The following NADSYN1 variants were observed in gnomAD, a reference collection of about 807,000 sequenced individuals.
NADSYN1 encodes the protein NAD synthetase 1.
Under a neutral mutation model 99.3 loss-of-function variants are expected in NADSYN1, and 80 were observed. The observed-to-expected ratio is 0.81, with a 90% CI of 0.67 to 0.97. The LOEUF is 0.97. NADSYN1 is among the 50% of genes least tolerant of loss of function. The pLI, the probability that NADSYN1 is intolerant of heterozygous loss-of-function variation, is 0.00. For synonymous variants in NADSYN1, 385 were observed against 372.1 expected (o/e 1.03, Z -0.40); for missense variants, 859 against 948.5 (o/e 0.91, Z 1.24).
In NADSYN1 at chr11:71,473,562, C is replaced by T; in HGVS notation, c.549-7C>T. On this transcript the variant is annotated splice_region_variant and splice_polypyrimidine_tract_variant and intron_variant, in intron 7 of 20. Coordinates refer to ENST00000319023, the MANE Select transcript of NADSYN1 (RefSeq NM_018161.5). ...GGCCTGTTCTCTTCACCTGCCTCTG[C>T]CTGCAGCCCGCACATCGACATGGGC... 1 of 1,607,150 alleles carries T rather than the reference C, an allele frequency of 6.2e-7. No individual in the cohort carries two copies. Among genetic ancestry groups the T allele is most frequent in the Non-Finnish European group, 8.5e-7 (1 of 1,175,566 alleles).
At chr11:71,459,827 G>A (rs1949539446) in intron 3 of NADSYN1, 1 of 152,320 alleles carries the variant, frequency 6.6e-6, no homozygotes, top group South Asian at 2.1e-4. Context: ...GAATTTTAGT[G>A]CCCTGTTCAC....
intron 3 of NADSYN1, chr11:71,460,775 T>C (rs1238103926): frequency 6.6e-6 from 1 of 152,236 alleles, no homozygotes; most frequent in Non-Finnish European, 1.5e-5. Context: ...TATCATAATG[T>C]CATTGATAAC....
chr11:71,459,231 G>GC (rs1949533341), intron 3 of NADSYN1, among the ~76,000 whole-genome samples: 1 of 146,640 alleles, frequency 6.8e-6, no homozygotes, highest in African/African-American at 2.5e-5. Flanking sequence ...CTGCATAGCC[G>GC]CCCCTATGGA....
intron 9 of NADSYN1, chr11:71,474,815 T>G: frequency 7.5e-6 from 3 of 402,366 alleles, no homozygotes; most frequent in Non-Finnish European, 4.7e-6. Flanking sequence ...GCCTCAAATT[T>G]ACCTGGTTGG....
intron 20 of NADSYN1, among the ~76,000 whole-genome samples, chr11:71,500,608 G>A (rs4944076): frequency 0.78 from 119,330 of 152,078 alleles, 48,157 homozygotes; most frequent in Non-Finnish European, 0.9. Context: ...ACTAGAAGAC[G>A]TTTGGGGCTG....
At chr11:71,472,879 C>A (rs1029120539) in intron 6 of NADSYN1, among the ~76,000 whole-genome samples, 1 of 152,242 alleles carries the variant, frequency 6.6e-6, no homozygotes. Context: ...AGGGAAGGCA[C>A]CCTGGTGTCC....
At chr11:71,471,343 C>T (rs1009610892) in intron 5 of NADSYN1, among the ~76,000 whole-genome samples, 3 of 152,218 alleles carry the variant, frequency 2.0e-5, no homozygotes, top group African/African-American at 7.2e-5. Context: ...TCAGCATGCC[C>T]CTGCTTTAGT....
intron 14 of NADSYN1, among the ~76,000 whole-genome samples, chr11:71,483,862 G>A (rs1949725165): frequency 6.6e-6 from 1 of 152,248 alleles, no homozygotes; most frequent in Admixed American, 6.5e-5. Context: ...CACCCACGAA[G>A]AGGAGTGGAG....
intron 20 of NADSYN1, among the ~76,000 whole-genome samples, chr11:71,501,018 G>A (rs1949853944): frequency 6.6e-6 from 1 of 152,132 alleles, no homozygotes; most frequent in South Asian, 2.1e-4. Flanking sequence ...GATCAGGAAG[G>A]GGGTTCAGAC....
intron 6 of NADSYN1, 62 bp downstream of exon 6, chr11:71,472,562 G>A: frequency 6.8e-7 from 1 of 1,462,424 alleles, no homozygotes; most frequent in Non-Finnish European, 9.6e-7. Context: ...GCCAACAGTG[G>A]ACCAGGTGGG....
chr11:71,456,573 G>A, intron 2 of NADSYN1, among the ~76,000 whole-genome samples: 1 of 152,192 alleles, frequency 6.6e-6, no homozygotes, highest in Non-Finnish European at 1.5e-5. Context: ...CTGGCCTGAT[G>A]TTGCCCAGAT....
chr11:71,472,425 G>C (rs1318454521), intron 5 of NADSYN1, 24 bp from the exon 6 acceptor site: 2 of 1,586,114 alleles, frequency 1.3e-6, no homozygotes, highest in East Asian at 4.5e-5. Context: ...CTCATCCTCA[G>C]CTCCTCGGTG....
At chr11:71,476,917 G>A (rs777381819) in intron 9 of NADSYN1, 11 of 988,138 alleles carry the variant, frequency 1.1e-5, no homozygotes, top group South Asian at 9.3e-5. Flanking sequence ...TGCCTTACAC[G>A]TCTCTAGAGT....
chr11:71,494,463 T>C (rs1338377900), intron 18 of NADSYN1, among the ~76,000 whole-genome samples: 2 of 152,040 alleles, frequency 1.3e-5, no homozygotes, highest in East Asian at 1.9e-4. Context: ...CGCAGTGGCC[T>C]GTCTATGTGT....
chr11:71,472,222 C>T (rs1029643494), intron 5 of NADSYN1, among the ~76,000 whole-genome samples: 16 of 152,324 alleles, frequency 1.1e-4, no homozygotes, highest in East Asian at 5.8e-4. Flanking sequence ...GCCCGAAGCT[C>T]GGAGAGCCCA....
chr11:71,466,082 T>G (rs1949587147), intron 5 of NADSYN1, among the ~76,000 whole-genome samples: 1 of 152,244 alleles, frequency 6.6e-6, no homozygotes, highest in Non-Finnish European at 1.5e-5. Context: ...AAGCTCTTCA[T>G]GTTTCTGCAT....
At chr11:71,475,279 T>G (rs1949657792) in intron 9 of NADSYN1, 1 of 154,490 alleles carries the variant, frequency 6.5e-6, no homozygotes, top group South Asian at 2.0e-4. Context: ...GAAGCAGAAG[T>G]GGAGACCCCA....
Position 71,490,869 on chromosome 11 carries a change from C to T in NADSYN1, c.1587C>T (p.Tyr529=), listed in dbSNP as rs762515674. Residue 529 remains tyrosine, a synonymous_variant, in exon 17 of 21, where the codon TAC becomes TAT. Transcript: ENST00000319023. ...GTCTCCTGGGCTACCTGACCAAGTA[C>T]GACTGCTCCAGTGCGGACATCAACC... ...DESLLGYLTK[Y]DCSSADINPI... is the part of the protein sequence containing the mutation. 2.5e-6 allele frequency: 4 copies of T among 1,614,076 alleles called. No homozygotes were observed. The highest frequency in any genetic ancestry group is 1.3e-5 in the African/African-American group (1 of 74,938).
In NADSYN1 at chr11:71,458,503, G is replaced by A; in HGVS notation, c.222G>A (p.Val74=). The change falls in exon 3 of 21, where the codon GTG becomes GTA. Residue 74 remains valine, a synonymous_variant. Coordinates refer to ENST00000319023, the MANE Select transcript of NADSYN1 (RefSeq NM_018161.5). The stretch of plus-strand genomic sequence containing the variant: ...CGTTTCAAGTCCTAGCGGCCCTTGT[G>A]GAGTCTCCCGTCACTCAGGACATCA... The part of the protein sequence containing the change: ...LHSFQVLAAL[V]ESPVTQDIIC... 6.2e-7 allele frequency: 1 copy of A among 1,613,312 alleles called. No individual in the cohort carries two copies. The highest frequency in any genetic ancestry group is 8.5e-7 in the Non-Finnish European group (1 of 1,179,282).
Sources: allele counts gnomAD v4.1 joint callset (sites outside exome capture counted in the v4.1 genomes callset), GRCh38; gene constraint gnomAD v4.1.1; transcripts MANE v1.5; gene names NCBI Gene and HGNC (gene_info 2026-07-23, HGNC 2026-07-21).